Variants in ANXA4 observed in about 807,000 individuals in gnomAD.
ANXA4 encodes the protein 35-beta calcimedin.
A neutral mutation model predicts 49.8 loss-of-function variants in ANXA4; 39 were observed. The observed-to-expected ratio is 0.78, with a 90% CI of 0.61 to 1.02. ANXA4 has a LOEUF of 1.02. Ranked by LOEUF, ANXA4 falls within the 50% of genes least tolerant of loss-of-function variation. The pLI, the probability that ANXA4 is intolerant of heterozygous loss-of-function variation, is 0.00. For missense variants in ANXA4, 360 were observed against 410.1 expected (o/e 0.88, Z 1.05); for synonymous variants, 134 against 152.5 (o/e 0.88, Z 0.89).
intron 2 of ANXA4, among the ~76,000 whole-genome samples, chr2:69,706,292 CTTTTTTTTTTTTTT>C (rs916740716): frequency 1.0e-3 from 62 of 59,322 alleles, no homozygotes; most frequent in African/African-American, 5.0e-3. Context: ...GGTACAATTC[CTTTTTTTTTTTTTT>C]TTTTTTTTTT....
At chr2:69,798,732 A>G (rs1262116516) in intron 3 of ANXA4, among the ~76,000 whole-genome samples, 1 of 152,214 alleles carries the variant, frequency 6.6e-6, no homozygotes, top group Non-Finnish European at 1.5e-5. Context: ...TTGAGAGAAT[A>G]AAAACGGAGG....
At chr2:69,755,845 A>G (rs750268101) in intron 1 of ANXA4, among the ~76,000 whole-genome samples, 12 of 152,238 alleles carry the variant, frequency 7.9e-5, no homozygotes, top group Non-Finnish European at 1.6e-4. Context: ...TAAATAAGTT[A>G]TATTGAAATA....
rs1485234825 is a variant in ANXA4 at position 69,820,693 on chromosome 2, C to T, written c.784-6C>T. On this transcript the variant is annotated splice_polypyrimidine_tract_variant and splice_region_variant and intron_variant, in intron 11 of 12. Transcript: ENST00000394295. ...GTATATGTTTGGATTTCGTTTTCTT[C>T]CTTAGGGCTTGGGCACCGATGATAA... 9.3e-6 allele frequency: 15 copies of T among 1,613,412 alleles called. No individual in the cohort carries two copies. Among genetic ancestry groups the T allele is most frequent in the Non-Finnish European group, 1.3e-5 (15 of 1,179,792 alleles).
intron 1 of ANXA4, among the ~76,000 whole-genome samples, chr2:69,747,909 C>T (rs907126758): frequency 5.3e-5 from 8 of 152,100 alleles, no homozygotes; most frequent in African/African-American, 1.9e-4. Flanking sequence ...TGGTCTCAAA[C>T]TCCTGGGTGA....
intron 1 of ANXA4, among the ~76,000 whole-genome samples, chr2:69,651,512 G>A (rs889802488): frequency 4.0e-5 from 6 of 151,846 alleles, no homozygotes; most frequent in African/African-American, 1.5e-4. Context: ...TGTTGTTGTT[G>A]TTGTTTTTGA....
chr2:69,804,347 A>T (rs1673343588), intron 3 of ANXA4, among the ~76,000 whole-genome samples, 186 bp from the exon 4 acceptor site: 1 of 152,186 alleles, frequency 6.6e-6, no homozygotes, highest in South Asian at 2.1e-4. Context: ...ACAGCTAATT[A>T]AAGGAGAGGC....
intron 1 of ANXA4, among the ~76,000 whole-genome samples, chr2:69,747,653 G>C (rs1422142459): frequency 6.6e-6 from 1 of 152,180 alleles, no homozygotes; most frequent in Non-Finnish European, 1.5e-5. Flanking sequence ...TGAGCAATGT[G>C]TAATGAGTTG....
At chr2:69,726,073 C>A (rs548580946) in intron 3 of ANXA4, among the ~76,000 whole-genome samples, 2 of 152,128 alleles carry the variant, frequency 1.3e-5, no homozygotes, top group African/African-American at 4.8e-5. Context: ...CTTGGGTGTC[C>A]CCACCCAAAT....
intron 3 of ANXA4, among the ~76,000 whole-genome samples, chr2:69,735,481 G>T (rs1670220378): frequency 6.6e-6 from 1 of 152,134 alleles, no homozygotes; most frequent in South Asian, 2.1e-4. Context: ...TGGTTTACTG[G>T]CTCCCTGAAA....
chr2:69,701,449 A>G (rs1678327313), intron 2 of ANXA4, among the ~76,000 whole-genome samples: 1 of 152,166 alleles, frequency 6.6e-6, no homozygotes, highest in African/African-American at 2.4e-5. Flanking sequence ...TACCTTGTAA[A>G]AGCGGAATCA....
Position 69,730,984 on chromosome 2 carries a change from G to C in ANXA4, n.864+10113G>C, listed in dbSNP as rs144694391. On this transcript the variant is annotated intron_variant and non_coding_transcript_variant, in intron 3 of 3. Coordinates refer to the ANXA4 transcript ENST00000418066. The stretch of plus-strand genomic sequence containing the variant: ...AACAGTTCCCCAAACCTGCCTTTTA[G>C]GTCGATGGGTTTGAAGTGCTGGCCC... Among the ~76,000 whole-genome samples, 13 of 152,290 alleles carry C rather than the reference G, an allele frequency of 8.5e-5. No individual in the cohort carries two copies. The East Asian group carries it at 2.3e-3, about 27-fold the overall frequency.
intron 1 of ANXA4, among the ~76,000 whole-genome samples, chr2:69,776,094 C>A (rs900035971): frequency 6.6e-6 from 1 of 152,032 alleles, no homozygotes; most frequent in African/African-American, 2.4e-5. Flanking sequence ...CCTGCCTCAG[C>A]CTCCTGAGTA....
At chr2:69,820,898 G>T (rs941393619) in intron 12 of ANXA4, 77 bp downstream of exon 12, 1 of 1,471,980 alleles carries the variant, frequency 6.8e-7, no homozygotes, top group South Asian at 1.3e-5. Flanking sequence ...AGCACTTGTT[G>T]TCCCCCTCTT....
intron 3 of ANXA4, among the ~76,000 whole-genome samples, chr2:69,802,887 G>A (rs1168522007): frequency 1.3e-5 from 2 of 151,766 alleles, no homozygotes; most frequent in Admixed American, 6.6e-5. Context: ...TATATGGATT[G>A]TCCTCTCCTT....
intron 3 of ANXA4, among the ~76,000 whole-genome samples, chr2:69,730,200 C>T (rs945587894): frequency 6.6e-6 from 1 of 151,850 alleles, no homozygotes; most frequent in Admixed American, 6.6e-5. Context: ...AAAAAAAATT[C>T]TGTTTTTTAA....
chr2:69,745,887 T>TAAA (rs1210404910), intron 1 of ANXA4, among the ~76,000 whole-genome samples: 1 of 152,216 alleles, frequency 6.6e-6, no homozygotes, highest in Non-Finnish European at 1.5e-5. Flanking sequence ...ATAAATTGAA[T>TAAA]AAAGCATTAA....
intron 2 of ANXA4, among the ~76,000 whole-genome samples, chr2:69,656,549 TC>T (rs1403960259): frequency 1.6e-5 from 2 of 127,400 alleles, no homozygotes; most frequent in Non-Finnish European, 3.1e-5. Flanking sequence ...ATACAGTAGT[TC>T]CTTTTTTTTT....
chr2:69,682,891 G>A lies in ANXA4; in HGVS notation n.766+29609G>A, dbSNP rs1050923538. On this transcript the variant is annotated intron_variant and non_coding_transcript_variant, in intron 2 of 3. Transcript: ENST00000418066. ...AGTGTTTATTTCTCAGTCTTGAGAC[G>A]TCAGATGATTTTTATGATCTTCTTT... Among the ~76,000 whole-genome samples the A allele has an allele frequency of 1.2e-4, 19 of 152,206 alleles. 1 individual carries two copies. Among genetic ancestry groups the A allele is most frequent in the African/African-American group, 3.6e-4 (15 of 41,542 alleles).
intron 1 of ANXA4, among the ~76,000 whole-genome samples, chr2:69,779,157 C>CT (rs1391662312): frequency 0.013 from 1,725 of 136,340 alleles, 32 homozygotes; most frequent in African/African-American, 0.036. Context: ...AGAATGAATC[C>CT]TTTTTTTTTT....
Sources: gnomAD v4.1 joint callset for allele counts (sites outside exome capture counted in the v4.1 genomes callset) on GRCh38, gnomAD v4.1.1 for gene constraint, MANE v1.5 for transcripts, NCBI Gene and HGNC (gene_info 2026-07-23, HGNC 2026-07-21) for gene names.